FKBP9: variants seen among roughly 807,000 people sequenced by gnomAD.
The protein encoded by FKBP9 is peptidyl-prolyl cis-trans isomerase FKBP9.
FKBP9 carries 27 observed loss-of-function variants against 55.6 expected under a neutral mutation model. The ratio of observed to expected loss-of-function variants is 0.49; its 90% CI spans 0.36 to 0.67. The LOEUF (loss-of-function observed/expected upper bound fraction) is 0.67, where lower values mean the gene tolerates loss of function less well. Ranked by LOEUF, FKBP9 falls within the 30% of genes least tolerant of loss-of-function variation. The pLI is 0.00. For missense variants in FKBP9, 539 were observed against 742.8 expected, an observed-to-expected ratio of 0.73 and a Z score of 3.19; for synonymous variants, 267 against 296.5, an observed-to-expected ratio of 0.90 and a Z score of 1.02.
chr7:32,976,733 A>G (rs1156536027), intron 4 of FKBP9, among the ~76,000 whole-genome samples: 1 of 152,202 alleles, frequency 6.6e-6, no homozygotes, highest in Non-Finnish European at 1.5e-5. Context: ...GAGGACCACC[A>G]TAGTGGACAG....
chr7:32,959,709 T>C (rs1180329486), intron 1 of FKBP9, among the ~76,000 whole-genome samples: 15 of 152,220 alleles, frequency 9.9e-5, no homozygotes, highest in Admixed American at 9.8e-4. Flanking sequence ...AATGGAATCA[T>C]ATAATTTGAG....
In FKBP9 at chr7:32,960,108, C is replaced by CTTT. The variant is rs398004304; in HGVS notation, c.221+2333_221+2335dup. Among the ~76,000 whole-genome samples the CTTT allele has an allele frequency of 6.1e-3, 601 of 98,482 alleles. 11 individuals are homozygous for CTTT. The highest frequency in any genetic ancestry group is 9.0e-3 in the African/African-American group (223 of 24,820). The allele number at this position is 98,482 out of a possible 152,430, so 64.6% of individuals were successfully genotyped here. On this transcript the variant is annotated intron_variant, in intron 1 of 9. Coordinates refer to ENST00000242209, the MANE Select transcript of FKBP9 (RefSeq NM_007270.5). ...CGGTCTCAACAACACTTGTACTTGT[C>CTTT]TTTTTTTTTTTTTTTTTTTTTGAGA...
At chr7:32,996,414 C>T in intron 7 of FKBP9, 65 bp downstream of exon 7, 3 of 1,089,362 alleles carry the variant, frequency 2.8e-6, no homozygotes, top group South Asian at 1.4e-5. Context: ...TCCCACCATC[C>T]TCCTCTCTTG....
intron 3 of FKBP9, among the ~76,000 whole-genome samples, chr7:32,975,791 C>T (rs747894297): frequency 2.0e-5 from 3 of 151,972 alleles, no homozygotes; most frequent in South Asian, 2.1e-4. Context: ...GGACTACAGG[C>T]GCATGCCACC....
intron 1 of FKBP9, among the ~76,000 whole-genome samples, chr7:32,965,504 G>A (rs1387063428): frequency 6.6e-6 from 1 of 151,908 alleles, no homozygotes; most frequent in Non-Finnish European, 1.5e-5. Context: ...TCTGCCTTAA[G>A]AATATAGCCG....
chr7:33,005,672 CG>C lies in FKBP9; in HGVS notation c.*323del, dbSNP rs1376262222. On this transcript the variant is annotated 3_prime_UTR_variant, in exon 10 of 10. Transcript: ENST00000242209. Reference sequence around the variant, plus strand: ...TATTAAAGGAATATATAGTGTCAGACGGAAGTTATAATCATCTTGGAGGAAC... The same window carrying C: ...TATTAAAGGAATATATAGTGTCAGACGAAGTTATAATCATCTTGGAGGAAC... 2.1e-5 allele frequency: 6 copies of C among 289,996 alleles called. No individual in the cohort carries two copies. The highest frequency in any genetic ancestry group is 9.9e-4 in the Middle Eastern group (1 of 1,014). 18.0% of individuals were successfully genotyped at this position (289,996 alleles called of 1,614,324 possible).
chr7:32,977,195 A>C (rs1475361190), intron 4 of FKBP9, among the ~76,000 whole-genome samples: 1 of 152,256 alleles, frequency 6.6e-6, no homozygotes, highest in Non-Finnish European at 1.5e-5. Flanking sequence ...TCAGGTACTC[A>C]TGTTTGAATT....
rs3750116 is a variant in FKBP9 at position 32,976,508 on chromosome 7, G to T, written c.703+9G>T. ...TGGAGAGGATGGAGATGGTAAGTCC[G>T]TCTCCTTCTTGGAGCCACTCTTTCC... On this transcript the variant is annotated intron_variant, in intron 4 of 9. Coordinates refer to ENST00000242209, the MANE Select transcript of FKBP9 (RefSeq NM_007270.5). The T allele has an allele frequency of 0.94, 1,456,140 of 1,557,200 alleles. 682,259 individuals carry two copies. The highest frequency in any genetic ancestry group is 0.95 in the Non-Finnish European group (1,089,917 of 1,150,874).
At chr7:32,994,234 C>T (rs1299515455) in intron 6 of FKBP9, among the ~76,000 whole-genome samples, 3 of 152,156 alleles carry the variant, frequency 2.0e-5, no homozygotes, top group Admixed American at 6.6e-5. Flanking sequence ...GGTCACTCTC[C>T]GTACCCTGTC....
chr7:33,003,644 C>T (rs1375698045), intron 9 of FKBP9, among the ~76,000 whole-genome samples: 1 of 152,178 alleles, frequency 6.6e-6, no homozygotes, highest in Non-Finnish European at 1.5e-5. Context: ...TCAGCTCTTA[C>T]GCTCCTCTTA....
At chr7:32,990,353 T>C (rs1252441368) in intron 6 of FKBP9, among the ~76,000 whole-genome samples, 2 of 152,278 alleles carry the variant, frequency 1.3e-5, no homozygotes, top group African/African-American at 4.8e-5. Flanking sequence ...CTGGAAAAGA[T>C]GGAAACACAT....
chr7:32,958,258 C>A (rs1462966750), intron 1 of FKBP9, among the ~76,000 whole-genome samples: 9 of 152,156 alleles, frequency 5.9e-5, no homozygotes, highest in Admixed American at 5.9e-4. Flanking sequence ...CTAGCAGCCC[C>A]AAACATACAA....
chr7:32,982,649 G>A (rs1030959172), intron 5 of FKBP9, among the ~76,000 whole-genome samples: 2 of 151,932 alleles, frequency 1.3e-5, no homozygotes, highest in Non-Finnish European at 2.9e-5. Flanking sequence ...TTCCAGTGTG[G>A]TTCTGTTCTT....
At chr7:32,988,448 G>T (rs1432505703) in intron 5 of FKBP9, 59 bp from the exon 6 acceptor site, 19 of 1,576,792 alleles carry the variant, frequency 1.2e-5, no homozygotes, top group Non-Finnish European at 1.6e-5. Flanking sequence ...CAACTAATTT[G>T]CACAGCTGCT....
At chr7:32,974,198 G>GGT (rs1562565771) in intron 1 of FKBP9, among the ~76,000 whole-genome samples, 1 of 99,522 alleles carries the variant, frequency 1.0e-5, no homozygotes, top group African/African-American at 4.7e-5. Context: ...TTTAGTAGAG[G>GGT]CGGGGGGGCC....
intron 7 of FKBP9, among the ~76,000 whole-genome samples, chr7:32,999,589 T>C (rs1784890542): frequency 6.6e-6 from 1 of 151,970 alleles, no homozygotes. Context: ...GCATAACATG[T>C]TATTTGCGAT....
chr7:33,000,730 A>G (rs1221061093), intron 8 of FKBP9, among the ~76,000 whole-genome samples: 1 of 151,668 alleles, frequency 6.6e-6, no homozygotes. Flanking sequence ...CACAGTGGTT[A>G]TGTTTTACTC....
At chr7:32,985,412 C>T in intron 5 of FKBP9, among the ~76,000 whole-genome samples, 1 of 151,644 alleles carries the variant, frequency 6.6e-6, no homozygotes, top group Non-Finnish European at 1.5e-5. Context: ...AACTCCTGAC[C>T]TCAAGTGATC....
Position 32,977,870 on chromosome 7 carries a change from C to CATGTATATATATAT in FKBP9, c.703+1373_703+1374insGTATATATATATAT, listed in dbSNP as rs780985630. On this transcript the variant is annotated intron_variant, in intron 4 of 9. Transcript: ENST00000242209. The stretch of plus-strand genomic sequence containing the variant: ...ACACTCATATATATATATACATGCC[C>CATGTATATATATAT]ATATATATATATGTATATATACACT... 1.0e-4 allele frequency among the ~76,000 whole-genome samples: 13 copies of CATGTATATATATAT among 124,648 alleles called. No individual in the cohort carries two copies. In the East Asian group the frequency reaches 1.2e-3, roughly 12 times the overall value. 81.8% of individuals were successfully genotyped at this position (124,648 alleles called of 152,430 possible).
Sources: gnomAD v4.1 joint callset for allele counts (sites outside exome capture counted in the v4.1 genomes callset) on GRCh38, gnomAD v4.1.1 for gene constraint, MANE v1.5 for transcripts, NCBI Gene and HGNC (gene_info 2026-07-23, HGNC 2026-07-21) for gene names.